DLGAP1: variants seen among roughly 807,000 people sequenced by gnomAD.
The protein encoded by DLGAP1 is DLG associated protein 1, also known as disks large-associated protein 1.
Under a neutral mutation model 90.8 loss-of-function variants are expected in DLGAP1, and 11 were observed. The observed-to-expected ratio is 0.12, with a 90% CI of 0.08 to 0.20. The LOEUF (loss-of-function observed/expected upper bound fraction) is 0.20, where lower values mean the gene tolerates loss of function less well. Among genes scored for constraint, DLGAP1 ranks in the 10% least tolerant of loss-of-function variants. The pLI, the probability that DLGAP1 is intolerant of heterozygous loss-of-function variation, is 1.00. For missense variants in DLGAP1, 1,050 were observed against 1,333.8 expected (o/e 0.79, Z 3.31); for synonymous variants, 558 against 540.7 (o/e 1.03, Z -0.44).
chr18:4,377,549 G>C (rs777756418), intron 1 of DLGAP1, among the ~76,000 whole-genome samples: 1 of 152,068 alleles, frequency 6.6e-6, no homozygotes. Context: ...TTATTGAAGA[G>C]CTTACACTCC....
chr18:4,274,381 T>C (rs1443063702), intron 1 of DLGAP1, among the ~76,000 whole-genome samples: 3 of 152,234 alleles, frequency 2.0e-5, no homozygotes, highest in African/African-American at 7.2e-5. Flanking sequence ...ATGTACTTTG[T>C]ATTATTTCTT....
At chr18:3,573,373 G>A (rs1031171678) in intron 8 of DLGAP1, among the ~76,000 whole-genome samples, 4 of 152,104 alleles carry the variant, frequency 2.6e-5, no homozygotes, top group African/African-American at 4.8e-5. Flanking sequence ...GTGGTAGCGC[G>A]TGGATGTAGT....
intron 1 of DLGAP1, among the ~76,000 whole-genome samples, chr18:4,299,897 A>C (rs1388168101): frequency 6.6e-6 from 1 of 152,180 alleles, no homozygotes; most frequent in Admixed American, 6.5e-5. Context: ...CCTAGAATCA[A>C]ATCAATTGGA....
At chr18:3,562,117 C>T (rs2054159690) in intron 9 of DLGAP1, among the ~76,000 whole-genome samples, 1 of 152,024 alleles carries the variant, frequency 6.6e-6, no homozygotes, top group African/African-American at 2.4e-5. Context: ...ATCCCAGCTA[C>T]TCAGGAGACT....
At position 4,438,114 on chromosome 18, in the gene DLGAP1, G is replaced by T. The variant is rs368608879; in HGVS notation, c.-267+16892C>A. 1.6e-4 allele frequency among the ~76,000 whole-genome samples: 25 copies of T among 152,096 alleles called. 2 individuals are homozygous for T. Among genetic ancestry groups the T allele is most frequent in the Admixed American group, 1.4e-3 (21 of 15,266 alleles). ...TTAGCGCCTCCACAGAGCTTTGGAAGATTTATGTAACACCTCCCATGGGGC... is the reference window on the plus strand; with the variant it reads ...TTAGCGCCTCCACAGAGCTTTGGAATATTTATGTAACACCTCCCATGGGGC... On this transcript the variant is annotated intron_variant, in intron 1 of 12. Transcript: ENST00000315677.
chr18:3,507,152 T>C (rs2050273558), intron 11 of DLGAP1, among the ~76,000 whole-genome samples: 1 of 152,114 alleles, frequency 6.6e-6, no homozygotes, highest in African/African-American at 2.4e-5. Context: ...TACATAAATT[T>C]CTTTCAGTCT....
chr18:3,716,022 A>G (rs1293400804), intron 7 of DLGAP1, among the ~76,000 whole-genome samples: 1 of 152,336 alleles, frequency 6.6e-6, no homozygotes, highest in East Asian at 1.9e-4. Context: ...ATTGATTTTT[A>G]AAAAGAATTC....
intron 3 of DLGAP1, among the ~76,000 whole-genome samples, chr18:3,922,206 T>C (rs1033444621): frequency 6.6e-6 from 1 of 152,164 alleles, no homozygotes; most frequent in Non-Finnish European, 1.5e-5. Context: ...TTTGCTGCAG[T>C]TAAGGGTCCA....
intron 1 of DLGAP1, among the ~76,000 whole-genome samples, chr18:4,236,483 G>A (rs971059927): frequency 6.6e-5 from 10 of 152,058 alleles, no homozygotes; most frequent in Non-Finnish European, 1.0e-4. Context: ...TCCTCACAAC[G>A]CTTAGGAATT....
At chr18:4,083,561 T>G (rs9955521) in intron 2 of DLGAP1, among the ~76,000 whole-genome samples, 90,449 of 152,090 alleles carry the variant, frequency 0.59, 27,617 homozygotes, top group Non-Finnish European at 0.64. Flanking sequence ...CATTCTTACA[T>G]GGTTACCAAG....
At chr18:4,391,388 C>G in intron 1 of DLGAP1, among the ~76,000 whole-genome samples, 1 of 152,160 alleles carries the variant, frequency 6.6e-6, no homozygotes. Flanking sequence ...TTCTTAATTT[C>G]TAGCATCTCA....
chr18:4,268,374 G>T (rs890704261), intron 1 of DLGAP1, among the ~76,000 whole-genome samples: 3 of 151,878 alleles, frequency 2.0e-5, no homozygotes, highest in African/African-American at 7.3e-5. Context: ...GTATGCCGGG[G>T]AAGAAAAAAA....
intron 9 of DLGAP1, among the ~76,000 whole-genome samples, chr18:3,563,535 T>A (rs891542838): frequency 6.6e-5 from 10 of 151,952 alleles, no homozygotes; most frequent in African/African-American, 2.4e-4. Flanking sequence ...AGTGGCACGA[T>A]CTCGGCTCAC....
At chr18:4,281,500 A>G (rs2079551417) in intron 1 of DLGAP1, among the ~76,000 whole-genome samples, 1 of 152,162 alleles carries the variant, frequency 6.6e-6, no homozygotes, top group Non-Finnish European at 1.5e-5. Flanking sequence ...GTTGCAGTGA[A>G]CGGAGATTGC....
chr18:4,206,139 T>G (rs1017851565), intron 1 of DLGAP1, among the ~76,000 whole-genome samples: 6 of 152,136 alleles, frequency 3.9e-5, no homozygotes, highest in African/African-American at 1.4e-4. Flanking sequence ...GATTAGTTTA[T>G]TTTTTGACCT....
At chr18:3,926,104 A>C (rs1171175071) in intron 3 of DLGAP1, among the ~76,000 whole-genome samples, 1 of 152,230 alleles carries the variant, frequency 6.6e-6, no homozygotes, top group Non-Finnish European at 1.5e-5. Flanking sequence ...TTGCCAGAGA[A>C]GGACATGCTG....
intron 3 of DLGAP1, among the ~76,000 whole-genome samples, chr18:3,927,987 G>T (rs1178998445): frequency 3.3e-5 from 5 of 152,142 alleles, no homozygotes; most frequent in African/African-American, 1.2e-4. Context: ...AAAAGACCTT[G>T]AAGACTTACC....
At chr18:3,909,969 T>C (rs1214894927) in intron 3 of DLGAP1, among the ~76,000 whole-genome samples, 1 of 152,048 alleles carries the variant, frequency 6.6e-6, no homozygotes, top group Non-Finnish European at 1.5e-5. Flanking sequence ...ACTGCAGCTT[T>C]CTTGATCTAG....
At chr18:4,192,285 A>G (rs954621386) in intron 1 of DLGAP1, among the ~76,000 whole-genome samples, 10 of 152,154 alleles carry the variant, frequency 6.6e-5, no homozygotes, top group Admixed American at 5.2e-4. Flanking sequence ...GAGCCAGTTG[A>G]GTAAAAGAAA....
Sources: gnomAD v4.1 joint callset for allele counts (sites outside exome capture counted in the v4.1 genomes callset) on GRCh38, gnomAD v4.1.1 for gene constraint, MANE v1.5 for transcripts, NCBI Gene and HGNC (gene_info 2026-07-23, HGNC 2026-07-21) for gene names.